The following CEP85L variants were observed in gnomAD, a reference collection of about 807,000 sequenced individuals.
CEP85L encodes the protein centrosomal protein 85L.
Under a neutral mutation model 100.3 loss-of-function variants are expected in CEP85L, and 60 were observed. The observed-to-expected ratio is 0.60, with a 90% confidence interval of 0.49 to 0.74. CEP85L has a LOEUF of 0.74. Among genes scored for constraint, CEP85L ranks in the 30% least tolerant of loss-of-function variants. The pLI, the probability that CEP85L is intolerant of heterozygous loss-of-function variation, is 0.00. For missense variants in CEP85L, 973 were observed against 936.2 expected, an observed-to-expected ratio of 1.04 and a Z score of -0.51; for synonymous variants, 319 against 322.7, an observed-to-expected ratio of 0.99 and a Z score of 0.12.
intron 1 of CEP85L, among the ~76,000 whole-genome samples, chr6:118,635,470 ATACAT>A (rs1389801499): frequency 2.0e-5 from 3 of 152,312 alleles, no homozygotes; most frequent in Non-Finnish European, 4.4e-5. Flanking sequence ...AAAGGAAGAA[ATACAT>A]TACAGGAACA....
chr6:118,582,681 T>C (rs1780640883), intron 2 of CEP85L, among the ~76,000 whole-genome samples: 1 of 152,186 alleles, frequency 6.6e-6, no homozygotes, highest in African/African-American at 2.4e-5. Context: ...AAACTATCTA[T>C]GATAGACCAG....
At chr6:118,637,221 C>G (rs1413479094) in intron 1 of CEP85L, among the ~76,000 whole-genome samples, 1 of 152,168 alleles carries the variant, frequency 6.6e-6, no homozygotes, top group African/African-American at 2.4e-5. Flanking sequence ...TTCCGCCCCT[C>G]TAGAAACCCT....
chr6:118,517,829 T>C (rs1385118632), intron 4 of CEP85L, among the ~76,000 whole-genome samples: 1 of 152,228 alleles, frequency 6.6e-6, no homozygotes. Flanking sequence ...TCAAAGGGAA[T>C]GCCTCCAGAT....
At chr6:118,707,752 C>A (rs1226545191) in intron 1 of CEP85L, among the ~76,000 whole-genome samples, 2 of 152,070 alleles carry the variant, frequency 1.3e-5, no homozygotes, top group African/African-American at 4.8e-5. Context: ...CATGTGCAAA[C>A]TTTTATGTAT....
Position 118,481,800 on chromosome 6 carries a change from T to C in CEP85L, c.1724A>G (p.Glu575Gly). 1 of 1,587,868 alleles carries C rather than the reference T, an allele frequency of 6.3e-7. No individual in the cohort carries two copies. Among genetic ancestry groups the C allele is most frequent in the Non-Finnish European group, 8.6e-7 (1 of 1,168,294 alleles). Residue 575 changes from glutamate (E) to glycine (G), a missense_variant, in exon 8 of 13, where the codon GAG becomes GGG. By Grantham distance (98) the Glu-to-Gly change is moderately conservative. Coordinates refer to ENST00000368491, the MANE Select transcript of CEP85L (RefSeq NM_001042475.3). ...QLICQKKKEK[E>G]LVTTVQSLQQ... ...TTACCTCTGAACGGTAGTTACTAAC[T>C]CCTTTTCTTTCTTTTTCTGGCATAT...
At chr6:118,525,213 A>C (rs1362008055) in intron 3 of CEP85L, among the ~76,000 whole-genome samples, 1 of 152,212 alleles carries the variant, frequency 6.6e-6, no homozygotes, top group Non-Finnish European at 1.5e-5. Context: ...ACTTAGAAAA[A>C]ATTGCTTAGA....
intron 3 of CEP85L, among the ~76,000 whole-genome samples, chr6:118,527,964 C>T (rs189487581): frequency 1.8e-4 from 28 of 152,214 alleles, no homozygotes; most frequent in African/African-American, 6.7e-4. Context: ...GTCTCCTCTT[C>T]CAAAGATCTA....
In CEP85L at chr6:118,611,931, G is replaced by A. The variant is rs1025923867; in HGVS notation, c.232+20522C>T. On this transcript the variant is annotated intron_variant, in intron 2 of 12. Transcript: ENST00000368491. ...TTCAAACACTCCTCTTTCAACAACT[G>A]ATAGAAAAACTAGACAGAAAATCAT... is the stretch of plus-strand genomic sequence containing the variant. Among the ~76,000 whole-genome samples the A allele has an allele frequency of 7.2e-5, 11 of 152,168 alleles. No individual in the cohort carries two copies. The South Asian group carries it at 2.3e-3, about 32-fold the overall frequency.
intron 3 of CEP85L, among the ~76,000 whole-genome samples, chr6:118,564,605 A>G (rs983000669): frequency 2.0e-5 from 3 of 152,150 alleles, no homozygotes; most frequent in African/African-American, 7.2e-5. Context: ...GATCATACTC[A>G]TATTTGTGAG....
intron 1 of CEP85L, among the ~76,000 whole-genome samples, chr6:118,634,793 T>C (rs1460294495): frequency 6.6e-6 from 1 of 152,154 alleles, no homozygotes; most frequent in Non-Finnish European, 1.5e-5. Context: ...TTATCAAAAA[T>C]GGCAACCAGC....
At position 118,463,071 on chromosome 6, in the gene CEP85L, T is replaced by C. The variant is rs1460338420; in HGVS notation, c.*2334A>G. 6.6e-6 allele frequency: 1 copy of C among 151,988 alleles called. No individual in the cohort carries two copies. 9.4% of individuals were successfully genotyped at this position (151,988 alleles called of 1,614,324 possible). ...TGAAATGCATCAGCAGTAGTTTTGT[T>C]AACTTCCTACTAAGTCAGAAATTTT... On this transcript the variant is annotated 3_prime_UTR_variant, in exon 13 of 13. Coordinates refer to ENST00000368491, the MANE Select transcript of CEP85L (RefSeq NM_001042475.3).
chr6:118,641,840 AT>A (rs1774897341), intron 1 of CEP85L, among the ~76,000 whole-genome samples: 2 of 146,796 alleles, frequency 1.4e-5, no homozygotes. Flanking sequence ...AAAAAAAAAA[AT>A]TACAAAATTA....
At chr6:118,649,629 A>C (rs1295015682) in intron 1 of CEP85L, among the ~76,000 whole-genome samples, 1 of 152,206 alleles carries the variant, frequency 6.6e-6, no homozygotes, top group Non-Finnish European at 1.5e-5. Context: ...GGGATAATGA[A>C]GTAGCTTCTC....
intron 1 of CEP85L, among the ~76,000 whole-genome samples, chr6:118,658,351 T>C (rs1775866268): frequency 6.6e-6 from 1 of 152,212 alleles, no homozygotes; most frequent in South Asian, 2.1e-4. Context: ...GACACAAGTG[T>C]GAAGGATCGG....
intron 3 of CEP85L, among the ~76,000 whole-genome samples, chr6:118,544,927 T>C (rs865900167): frequency 6.6e-6 from 1 of 152,176 alleles, no homozygotes; most frequent in Non-Finnish European, 1.5e-5. Flanking sequence ...CTTAGATGTT[T>C]TTTGAACCAG....
At chr6:118,620,319 C>A (rs768996126) in intron 2 of CEP85L, among the ~76,000 whole-genome samples, 8 of 151,934 alleles carry the variant, frequency 5.3e-5, no homozygotes, top group Admixed American at 4.6e-4. Flanking sequence ...TAAAATGGAC[C>A]GAGAGGAACA....
intron 1 of CEP85L, among the ~76,000 whole-genome samples, chr6:118,638,166 A>G (rs1237341275): frequency 1.3e-5 from 2 of 151,872 alleles, no homozygotes; most frequent in Non-Finnish European, 1.5e-5. Flanking sequence ...GCTTAAGCCC[A>G]GGAGTTCGAG....
At position 118,461,595 on chromosome 6, in the gene CEP85L, T is replaced by C. The variant is rs1772236359; in HGVS notation, c.*3810A>G. Reference sequence around the variant, plus strand: ...GCTGATTTAAAACTATATTCTTATATTTAGCACTTTTTTAAATAAGAAAAA... The same window carrying C: ...GCTGATTTAAAACTATATTCTTATACTTAGCACTTTTTTAAATAAGAAAAA... On this transcript the variant is annotated 3_prime_UTR_variant, in exon 13 of 13. Coordinates refer to ENST00000368491, the MANE Select transcript of CEP85L (RefSeq NM_001042475.3). 1.3e-5 allele frequency: 2 copies of C among 152,042 alleles called. No individual in the cohort carries two copies. Among genetic ancestry groups the C allele is most frequent in the South Asian group, 2.1e-4 (1 of 4,834 alleles). The allele number at this position is 152,042 out of a possible 1,614,324, so 9.4% of individuals were successfully genotyped here.
rs575611105 is a variant in CEP85L at position 118,646,534 on chromosome 6, T to A, written c.73+4663A>T. ...AATACAAAACATTAGCCAGGTATGGTGGTTTACGCCTCTAATCCCAGATAC... is the reference window on the plus strand; with the variant it reads ...AATACAAAACATTAGCCAGGTATGGAGGTTTACGCCTCTAATCCCAGATAC... On this transcript the variant is annotated intron_variant, in intron 1 of 12. Coordinates refer to ENST00000368491, the MANE Select transcript of CEP85L (RefSeq NM_001042475.3). Among the ~76,000 whole-genome samples the A allele has an allele frequency of 4.1e-4, 62 of 151,790 alleles. 1 individual carries two copies. Among genetic ancestry groups the A allele is most frequent in the African/African-American group, 1.4e-3 (60 of 41,402 alleles).
Sources: allele counts gnomAD v4.1 joint callset (sites outside exome capture counted in the v4.1 genomes callset), GRCh38; gene constraint gnomAD v4.1.1; transcripts MANE v1.5; gene names NCBI Gene and HGNC (gene_info 2026-07-23, HGNC 2026-07-21).